Variants in AFAP1 observed in about 807,000 individuals in gnomAD.
AFAP1 encodes actin filament-associated protein 1.
In AFAP1, 75 loss-of-function variants were observed where a neutral mutation model predicts 93.9. The ratio of observed to expected loss-of-function variants is 0.80; its 90% CI spans 0.66 to 0.97. The LOEUF (loss-of-function observed/expected upper bound fraction) is 0.97. Among genes scored for constraint, AFAP1 ranks in the 50% least tolerant of loss-of-function variants. The pLI, the probability that AFAP1 is intolerant of heterozygous loss-of-function variation, is 0.00. For synonymous variants in AFAP1, 517 were observed against 430.7 expected (o/e 1.20, Z -2.48); for missense variants, 1,201 against 1,050.8 (o/e 1.14, Z -1.98).
At chr4:7,914,756 C>T (rs1011549325) in intron 1 of AFAP1, among the ~76,000 whole-genome samples, 1 of 151,894 alleles carries the variant, frequency 6.6e-6, no homozygotes, top group African/African-American at 2.4e-5. Context: ...TACTCTTATT[C>T]TTTTTCTCTG....
chr4:7,911,370 C>T (rs558943327), intron 1 of AFAP1, among the ~76,000 whole-genome samples: 30 of 152,188 alleles, frequency 2.0e-4, no homozygotes, highest in Non-Finnish European at 3.1e-4. Flanking sequence ...TGTACTGACC[C>T]GGGCCTCGCC....
chr4:7,773,149 CTT>C, intron 15 of AFAP1, 139 bp from the exon 16 acceptor site: 2 of 1,344,218 alleles, frequency 1.5e-6, no homozygotes, highest in Non-Finnish European at 2.0e-6. Context: ...CGTTGTGAAA[CTT>C]AAATTCAGCA....
chr4:7,917,456 A>G (rs1720147751), intron 1 of AFAP1, among the ~76,000 whole-genome samples: 2 of 152,228 alleles, frequency 1.3e-5, no homozygotes, highest in South Asian at 4.1e-4. Flanking sequence ...CAAAAGAAAC[A>G]CACTCACTTT....
intron 1 of AFAP1, among the ~76,000 whole-genome samples, chr4:7,889,553 A>AG (rs1208733557): frequency 6.8e-6 from 1 of 147,844 alleles, no homozygotes; most frequent in East Asian, 2.0e-4. Flanking sequence ...AAAAAAAAAA[A>AG]AAAAAGAAAA....
At chr4:7,887,256 A>C (rs975029620) in intron 1 of AFAP1, among the ~76,000 whole-genome samples, 2 of 152,224 alleles carry the variant, frequency 1.3e-5, no homozygotes, top group Non-Finnish European at 2.9e-5. Flanking sequence ...CATATTTTGA[A>C]CATTCACTAA....
chr4:7,811,749 G>A (rs1290864053), intron 8 of AFAP1, among the ~76,000 whole-genome samples: 5 of 152,130 alleles, frequency 3.3e-5, no homozygotes, highest in East Asian at 1.9e-4. Context: ...CAACCCTGGC[G>A]GCACCCGGGT....
At chr4:7,841,629 C>G (rs1304995275) in intron 5 of AFAP1, among the ~76,000 whole-genome samples, 3 of 152,126 alleles carry the variant, frequency 2.0e-5, no homozygotes, top group African/African-American at 7.2e-5. Flanking sequence ...GATCACTGTT[C>G]ATTATTTTTT....
chr4:7,769,548 G>A (rs1459061124), intron 16 of AFAP1, among the ~76,000 whole-genome samples: 4 of 152,126 alleles, frequency 2.6e-5, no homozygotes, highest in African/African-American at 9.7e-5. Context: ...GCCAAAGGAG[G>A]AGGTGTTCAG....
At chr4:7,870,927 C>G (rs531933932) in intron 2 of AFAP1, among the ~76,000 whole-genome samples, 23 of 152,126 alleles carry the variant, frequency 1.5e-4, no homozygotes, top group Non-Finnish European at 3.1e-4. Context: ...AGTGTATGGC[C>G]TGTGAATCAC....
intron 1 of AFAP1, among the ~76,000 whole-genome samples, chr4:7,904,267 C>A (rs182390717): frequency 5.5e-4 from 84 of 152,128 alleles, no homozygotes; most frequent in African/African-American, 1.9e-3. Flanking sequence ...TTTCCCATAG[C>A]GTTTAAAGAA....
intron 8 of AFAP1, among the ~76,000 whole-genome samples, chr4:7,811,610 C>G (rs1312409075): frequency 1.3e-5 from 2 of 152,158 alleles, no homozygotes; most frequent in Non-Finnish European, 2.9e-5. Context: ...ACACTCCACC[C>G]TCCCGCTTAG....
chr4:7,939,125 ACG>A lies in AFAP1; in HGVS notation c.-3+529_-3+530del, dbSNP rs1261232483. ...GGCCGGGACCCACGCGCGTGGGTCC[ACG>A]CAACAACCTATAGGTGACAAAACAC... On this transcript the variant is annotated intron_variant, in intron 1 of 17. Coordinates refer to ENST00000420658, the MANE Select transcript of AFAP1 (RefSeq NM_001134647.2). This position sits in a 1 kb window ranked among gnomAD's most constrained non-coding sequence, Gnocchi z 5.6. 1 of 156,828 alleles carries A rather than the reference ACG, an allele frequency of 6.4e-6. No individual in the cohort carries two copies. Among genetic ancestry groups the A allele is most frequent in the Admixed American group, 6.6e-5 (1 of 15,086 alleles). 9.7% of individuals were successfully genotyped at this position (156,828 alleles called of 1,614,324 possible).
intron 1 of AFAP1, among the ~76,000 whole-genome samples, chr4:7,909,738 TATCAGA>T (rs1253632465): frequency 6.6e-6 from 1 of 152,206 alleles, no homozygotes; most frequent in Non-Finnish European, 1.5e-5. Flanking sequence ...TTTTACTGTA[TATCAGA>T]ACCATCTGGG....
intron 1 of AFAP1, among the ~76,000 whole-genome samples, chr4:7,899,617 A>C (rs1038778191): frequency 1.3e-5 from 2 of 152,224 alleles, no homozygotes; most frequent in African/African-American, 4.8e-5. Flanking sequence ...CACCTCTGAT[A>C]ACATCTCTTC....
intron 6 of AFAP1, among the ~76,000 whole-genome samples, chr4:7,830,941 G>A (rs549596190): frequency 6.6e-6 from 1 of 152,220 alleles, no homozygotes; most frequent in South Asian, 2.1e-4. Flanking sequence ...ACCAAATTCA[G>A]ATAAAAGTCG....
At chr4:7,842,930 C>T (rs1027839061) in intron 5 of AFAP1, 7 of 548,814 alleles carry the variant, frequency 1.3e-5, no homozygotes, top group South Asian at 7.4e-5. Flanking sequence ...GCTGGGAAAC[C>T]GGCAACCTTG....
Position 7,870,270 on chromosome 4 carries a change from C to T in AFAP1, c.128-1551G>A, listed in dbSNP as rs528560666. On this transcript the variant is annotated intron_variant, in intron 2 of 17. Transcript: ENST00000420658. ...ACTCATAACCACCTATGATAAAGGG[C>T]CTTGTGGGATGGCCGAAGGAGTCTG... is the stretch of plus-strand genomic sequence containing the variant. Among the ~76,000 whole-genome samples the T allele has an allele frequency of 2.0e-5, 3 of 152,262 alleles. No homozygotes were observed. The South Asian group carries it at 6.2e-4, about 32-fold the overall frequency.
At chr4:7,788,634 T>C (rs1369370128) in intron 11 of AFAP1, 7 of 151,918 alleles carry the variant, frequency 4.6e-5, no homozygotes, top group Admixed American at 4.6e-4. Flanking sequence ...CATTTAAGAG[T>C]TCCACAGTAA....
chr4:7,859,606 C>G (rs1715444428), intron 3 of AFAP1, among the ~76,000 whole-genome samples: 1 of 152,100 alleles, frequency 6.6e-6, no homozygotes, highest in African/African-American at 2.4e-5. Flanking sequence ...ATATTTCTCC[C>G]TCAAATTAAT....
Sources: gnomAD v4.1 joint callset for allele counts (sites outside exome capture counted in the v4.1 genomes callset) on GRCh38, gnomAD v4.1.1 for gene constraint, Gnocchi (gnomAD v3.1) non-coding constraint, MANE v1.5 for transcripts, NCBI Gene and HGNC (gene_info 2026-07-23, HGNC 2026-07-21) for gene names.